The following CKLF variants were observed in gnomAD, a reference collection of about 807,000 sequenced individuals.
CKLF encodes the protein chemokine like factor, also known as chemokine-like factor.
A neutral mutation model predicts 12.9 loss-of-function variants in CKLF; 16 were observed. The observed-to-expected ratio is 1.24, with a 90% CI of 0.84 to 1.88. The LOEUF (loss-of-function observed/expected upper bound fraction) is 1.88, where lower values mean the gene tolerates loss of function less well. Among genes scored for constraint, CKLF ranks in the 40% most tolerant of loss-of-function variants. The pLI is 0.00. For missense variants in CKLF, 172 were observed against 188.5 expected, an observed-to-expected ratio of 0.91 and a Z score of 0.51; for synonymous variants, 61 against 69.0, an observed-to-expected ratio of 0.88 and a Z score of 0.57.
At chr16:66,555,979 G>A (rs567460240) in intron 1 of CKLF, among the ~76,000 whole-genome samples, 1 of 152,204 alleles carries the variant, frequency 6.6e-6, no homozygotes, top group African/African-American at 2.4e-5. Context: ...AGGAAGGGGC[G>A]GGATTTCAGT....
intron 3 of CKLF, 118 bp downstream of exon 3, chr16:66,563,335 A>T: frequency 8.5e-7 from 1 of 1,174,942 alleles, no homozygotes; most frequent in South Asian, 1.5e-5. Flanking sequence ...TCCTAGGCCA[A>T]TATACAATGC....
intron 3 of CKLF, 73 bp downstream of exon 3, chr16:66,563,290 A>C: frequency 5.8e-6 from 9 of 1,552,478 alleles, no homozygotes; most frequent in Non-Finnish European, 8.0e-6. Flanking sequence ...AACAGATGTA[A>C]GAATAGAAAG....
intron 1 of CKLF, 150 bp downstream of exon 1, chr16:66,552,943 G>GGAGA: frequency 1.8e-6 from 2 of 1,110,508 alleles, no homozygotes; most frequent in Non-Finnish European, 2.6e-6. Flanking sequence ...TGGGGAAGAA[G>GGAGA]GAGAGAGATA....
rs1567367704 is a variant in CKLF at position 66,566,055 on chromosome 16, T to A, written c.*44T>A. 1 of 1,609,134 alleles carries A rather than the reference T, an allele frequency of 6.2e-7. No individual in the cohort carries two copies. Among genetic ancestry groups the A allele is most frequent in the Admixed American group, 1.7e-5 (1 of 59,972 alleles). Reference sequence around the variant, plus strand: ...TTTGATACTAAGTATTAAACATATTTCTGTATTCTTCCACATATTTTCTGC... The same window carrying A: ...TTTGATACTAAGTATTAAACATATTACTGTATTCTTCCACATATTTTCTGC... On this transcript the variant is annotated 3_prime_UTR_variant, in exon 4 of 4. Coordinates refer to ENST00000264001, the MANE Select transcript of CKLF (RefSeq NM_016951.4). The surrounding 1 kb of genome is among the most constrained non-coding windows in gnomAD (Gnocchi z 4.9).
At chr16:66,561,513 T>C (rs940960536) in intron 2 of CKLF, among the ~76,000 whole-genome samples, 2 of 152,158 alleles carry the variant, frequency 1.3e-5, no homozygotes, top group African/African-American at 4.8e-5. Flanking sequence ...CTGCACTCCC[T>C]AGAACACCAC....
intron 1 of CKLF, among the ~76,000 whole-genome samples, chr16:66,553,099 G>T (rs1476012203): frequency 6.6e-6 from 1 of 152,194 alleles, no homozygotes; most frequent in East Asian, 1.9e-4. Flanking sequence ...GTTCGAGGCT[G>T]CAGTGAACGT....
Position 66,552,755 on chromosome 16 carries a change from T to A in CKLF, c.40T>A (p.Cys14Ser), listed in dbSNP as rs150645315. ...GCCGAAAATAAAACATCGCCCCTTC[T>A]GCTTCAGTGTGAAAGGCCACGTGAA... Reference protein sequence around the residue: ...VQPKIKHRPFCFSVKGHVKML... With the variant: ...VQPKIKHRPFSFSVKGHVKML... The change falls in exon 1 of 4, where the codon TGC (cysteine) becomes AGC (serine). Residue 14 changes from cysteine (C) to serine (S), a missense_variant. Cys to Ser is a moderately radical substitution (Grantham distance 112). Coordinates refer to ENST00000264001, the MANE Select transcript of CKLF (RefSeq NM_016951.4). 2 of 1,614,134 alleles carry A rather than the reference T, an allele frequency of 1.2e-6. No individual in the cohort carries two copies. Among genetic ancestry groups the A allele is most frequent in the Non-Finnish European group, 8.5e-7 (1 of 1,179,990 alleles).
chr16:66,555,030 G>T (rs761571624), intron 1 of CKLF, among the ~76,000 whole-genome samples: 7 of 152,110 alleles, frequency 4.6e-5, no homozygotes, highest in Non-Finnish European at 1.0e-4. Flanking sequence ...GAAGTCAGGA[G>T]TTCCAGCAGC....
chr16:66,566,109 A>C (rs1416243045), downstream of CKLF: 1 of 1,611,348 alleles, frequency 6.2e-7, no homozygotes. This position sits in a 1 kb window ranked among gnomAD's most constrained non-coding sequence, Gnocchi z 4.9. Context: ...TAGGAGCTAG[A>C]GGAAGAGATT....
At chr16:66,559,624 T>C (rs2011591730) in intron 2 of CKLF, among the ~76,000 whole-genome samples, 1 of 152,216 alleles carries the variant, frequency 6.6e-6, no homozygotes, top group African/African-American at 2.4e-5. Context: ...CATTTTAGCC[T>C]TTCTTTTTTT....
intron 2 of CKLF, among the ~76,000 whole-genome samples, chr16:66,561,430 A>G (rs529231393): frequency 3.9e-5 from 6 of 152,212 alleles, no homozygotes; most frequent in Non-Finnish European, 7.3e-5. Context: ...TATAAAATAA[A>G]TGGTCTAAAT....
intron 2 of CKLF, among the ~76,000 whole-genome samples, chr16:66,559,359 GA>G (rs2011581558): frequency 6.6e-6 from 1 of 152,188 alleles, no homozygotes; most frequent in Non-Finnish European, 1.5e-5. Context: ...GAAAAGCTGG[GA>G]AATAGGATCT....
intron 1 of CKLF, among the ~76,000 whole-genome samples, chr16:66,556,614 A>G (rs1377857948): frequency 6.6e-6 from 1 of 152,250 alleles, no homozygotes; most frequent in Non-Finnish European, 1.5e-5. Flanking sequence ...CCTTCATTTC[A>G]TAATCTGTGG....
chr16:66,552,772 C>T lies in CKLF; in HGVS notation c.57C>T (p.Gly19=). The T allele has an allele frequency of 6.2e-7, 1 of 1,614,088 alleles. No individual in the cohort carries two copies. Among genetic ancestry groups the T allele is most frequent in the African/African-American group, 1.3e-5 (1 of 75,056 alleles). The stretch of plus-strand genomic sequence containing the variant: ...GCCCCTTCTGCTTCAGTGTGAAAGG[C>T]CACGTGAAGATGCTGCGGCTGGTGA... The part of the protein sequence containing the change: ...KHRPFCFSVK[G]HVKMLRLALT... The change falls in exon 1 of 4, where the codon GGC becomes GGT. Residue 19 remains glycine (G), a synonymous_variant. Transcript: ENST00000264001.
intron 3 of CKLF, among the ~76,000 whole-genome samples, chr16:66,564,149 C>CT (rs2011957736): frequency 6.6e-6 from 1 of 152,214 alleles, no homozygotes; most frequent in African/African-American, 2.4e-5. Flanking sequence ...ATAGGATTTA[C>CT]TTTCATTCAC....
chr16:66,560,610 C>A (rs542899352), intron 2 of CKLF, among the ~76,000 whole-genome samples: 1 of 152,018 alleles, frequency 6.6e-6, no homozygotes, highest in Non-Finnish European at 1.5e-5. Context: ...ATTAACTGAG[C>A]TCGGACTGGC....
At chr16:66,558,688 C>T (rs959699534) in intron 2 of CKLF, among the ~76,000 whole-genome samples, 2 of 152,140 alleles carry the variant, frequency 1.3e-5, no homozygotes, top group Admixed American at 1.3e-4. Context: ...TATTTGGATG[C>T]ATGTTAATAT....
At chr16:66,555,701 G>T (rs1427389266) in intron 1 of CKLF, among the ~76,000 whole-genome samples, 1 of 152,160 alleles carries the variant, frequency 6.6e-6, no homozygotes, top group Non-Finnish European at 1.5e-5. Context: ...TAAAGACCCT[G>T]GAGAGCCACT....
At position 66,552,771 on chromosome 16, in the gene CKLF, G is replaced by T. The variant is rs769618704; in HGVS notation, c.56G>T (p.Gly19Val). 1.4e-5 allele frequency: 23 copies of T among 1,613,992 alleles called. No homozygotes were observed. Among genetic ancestry groups the T allele is most frequent in the Non-Finnish European group, 1.8e-5 (21 of 1,179,972 alleles). Residue 19 changes from glycine (G) to valine (V), a missense_variant, in exon 1 of 4, where the codon GGC becomes GTC. By Grantham distance (109) the Gly-to-Val change is moderately radical. Coordinates refer to ENST00000264001, the MANE Select transcript of CKLF (RefSeq NM_016951.4). ...CGCCCCTTCTGCTTCAGTGTGAAAGGCCACGTGAAGATGCTGCGGCTGGTG... is the reference window on the plus strand; with the variant it reads ...CGCCCCTTCTGCTTCAGTGTGAAAGTCCACGTGAAGATGCTGCGGCTGGTG... The part of the protein sequence containing the change: ...KHRPFCFSVK[G>V]HVKMLRLALT...
Sources: gnomAD v4.1 joint callset for allele counts (sites outside exome capture counted in the v4.1 genomes callset) on GRCh38, gnomAD v4.1.1 for gene constraint, Gnocchi (gnomAD v3.1) non-coding constraint, MANE v1.5 for transcripts, NCBI Gene and HGNC (gene_info 2026-07-23, HGNC 2026-07-21) for gene names.